The following RAI14 variants were observed in gnomAD, a reference collection of about 807,000 sequenced individuals.
RAI14 encodes the protein ankycorbin.
In RAI14, 45 loss-of-function variants were observed where a neutral mutation model predicts 115.4. The observed-to-expected ratio is 0.39, with a 90% CI of 0.31 to 0.50. The LOEUF (loss-of-function observed/expected upper bound fraction) is 0.50, where lower values mean the gene tolerates loss of function less well. Ranked by LOEUF, RAI14 falls within the 20% of genes least tolerant of loss-of-function variation. The pLI, the probability that RAI14 is intolerant of heterozygous loss-of-function variation, is 0.85. For missense variants in RAI14, 939 were observed against 1,131.2 expected, an observed-to-expected ratio of 0.83 and a Z score of 2.44; for synonymous variants, 371 against 415.4, an observed-to-expected ratio of 0.89 and a Z score of 1.30.
In RAI14 at chr5:34,688,222, C is replaced by T. The variant is rs1032858317; in HGVS notation, c.36+1267C>T. The T allele has an allele frequency of 6.4e-6, 10 of 1,551,312 alleles. No homozygotes were observed. In the African/African-American group the frequency reaches 1.1e-4, roughly 17 times the overall value. ...GTATGTTATGCAGCCTACATATCTC[C>T]CGTGGCTTTCAGCTAAGGAGAAAAA... is the stretch of plus-strand genomic sequence containing the variant. On this transcript the variant is annotated intron_variant, in intron 2 of 17. Coordinates refer to ENST00000265109, the MANE Select transcript of RAI14 (RefSeq NM_015577.3).
At chr5:34,698,121 TCCCCCTCCCCTC>T (rs1393344638) in intron 2 of RAI14, among the ~76,000 whole-genome samples, 3 of 26,962 alleles carry the variant, frequency 1.1e-4, no homozygotes, top group Non-Finnish European at 1.9e-4. Flanking sequence ...CCCCCTCCCC[TCCCCCTCCCCTC>T]CCCCCTCCCC....
intron 2 of RAI14, among the ~76,000 whole-genome samples, chr5:34,703,393 A>G (rs1352279496): frequency 6.6e-6 from 1 of 152,364 alleles, no homozygotes; most frequent in East Asian, 1.9e-4. Context: ...TATTTTGGGT[A>G]TGTATTCCAC....
At chr5:34,738,993 G>A (rs879131748) in intron 2 of RAI14, among the ~76,000 whole-genome samples, 3 of 152,114 alleles carry the variant, frequency 2.0e-5, no homozygotes, top group East Asian at 3.8e-4. Flanking sequence ...TACAGCCTGC[G>A]GTATATCTCA....
At chr5:34,802,400 G>A (rs1206159089) in intron 4 of RAI14, among the ~76,000 whole-genome samples, 1 of 152,184 alleles carries the variant, frequency 6.6e-6, no homozygotes, top group African/African-American at 2.4e-5. Context: ...AAGTATGGGA[G>A]TTATCTACAG....
intron 3 of RAI14, among the ~76,000 whole-genome samples, chr5:34,780,655 A>C (rs1353749374): frequency 3.3e-5 from 5 of 152,210 alleles, no homozygotes; most frequent in African/African-American, 1.2e-4. Context: ...GAGAAATGCA[A>C]ATCAAAACCA....
intron 2 of RAI14, among the ~76,000 whole-genome samples, chr5:34,696,427 C>T (rs1336557388): frequency 2.0e-5 from 3 of 152,106 alleles, no homozygotes; most frequent in African/African-American, 4.8e-5. Context: ...TGAGCCACCA[C>T]GCCCGGCCGC....
chr5:34,771,934 TC>T (rs1181883838), intron 3 of RAI14, among the ~76,000 whole-genome samples: 3 of 152,194 alleles, frequency 2.0e-5, no homozygotes, highest in Admixed American at 1.3e-4. Flanking sequence ...AGGGTCTTGC[TC>T]TGTTGCCCAC....
At chr5:34,819,626 C>T (rs1043863005) in intron 13 of RAI14, among the ~76,000 whole-genome samples, 5 of 152,272 alleles carry the variant, frequency 3.3e-5, no homozygotes, top group East Asian at 1.9e-4. Flanking sequence ...TAATATAGTA[C>T]CTTCAGAATC....
chr5:34,822,664 C>CTTTTT (rs143092935), intron 14 of RAI14, among the ~76,000 whole-genome samples: 2 of 47,534 alleles, frequency 4.2e-5, no homozygotes, highest in African/African-American at 1.3e-4. Context: ...CCTTTGGTAT[C>CTTTTT]TTTTTTTTTT....
intron 1 of RAI14, among the ~76,000 whole-genome samples, chr5:34,660,616 G>C (rs1162924744): frequency 6.6e-6 from 1 of 152,148 alleles, no homozygotes; most frequent in Non-Finnish European, 1.5e-5. Flanking sequence ...TTAAGGGGTA[G>C]GAGTAAGCAT....
chr5:34,751,922 G>T (rs1394179191), intron 2 of RAI14, among the ~76,000 whole-genome samples: 1 of 152,138 alleles, frequency 6.6e-6, no homozygotes, highest in Non-Finnish European at 1.5e-5. Flanking sequence ...CTTAACATAG[G>T]TTCCAGTTGT....
At chr5:34,683,718 A>T (rs1744559017) in intron 1 of RAI14, among the ~76,000 whole-genome samples, 1 of 149,760 alleles carries the variant, frequency 6.7e-6, no homozygotes, top group Non-Finnish European at 1.5e-5. Flanking sequence ...TTAAATTTGA[A>T]GGGCGATTCC....
At position 34,832,516 on chromosome 5, in the gene RAI14, T is replaced by TG. The variant is rs1758089367; in HGVS notation, c.*1753dup. ...GGATGCATATTTATTACGAGTACTCTGGTTAAATATTGAAAAGTTATATGC... is the reference window on the plus strand; with the variant it reads ...GGATGCATATTTATTACGAGTACTCTGGGTTAAATATTGAAAAGTTATATGC... On this transcript the variant is annotated 3_prime_UTR_variant, in exon 18 of 18. Transcript: ENST00000265109. The TG allele has an allele frequency of 6.6e-6, 1 of 152,630 alleles. No individual in the cohort carries two copies. Among genetic ancestry groups the TG allele is most frequent in the Admixed American group, 6.5e-5 (1 of 15,284 alleles). 9.5% of individuals were successfully genotyped at this position (152,630 alleles called of 1,614,324 possible). A position where few individuals can be genotyped will look rare whatever the true frequency, so the allele number is the denominator to read the frequency against.
intron 3 of RAI14, among the ~76,000 whole-genome samples, chr5:34,786,580 C>T (rs2150178108): frequency 6.6e-6 from 1 of 152,296 alleles, no homozygotes. Context: ...AACCAGAGCC[C>T]ACACTTGTCC....
chr5:34,687,257 A>G (rs958180594), intron 2 of RAI14, among the ~76,000 whole-genome samples: 1 of 152,200 alleles, frequency 6.6e-6, no homozygotes, highest in Non-Finnish European at 1.5e-5. Context: ...AAACCTCAAC[A>G]TTTCTAAAGT....
At position 34,827,451 on chromosome 5, in the gene RAI14, C is replaced by T. The variant is rs1290047279; in HGVS notation, c.2799+972C>T. On this transcript the variant is annotated intron_variant, in intron 16 of 17. Transcript: ENST00000265109. This position sits in a 1 kb window ranked among gnomAD's most constrained non-coding sequence, Gnocchi z 4.2. ...GGTTTGAGTTGGCATGGGTACATTC[C>T]GTTTTCTACCTAAAGTCCAGGGTTA... is the stretch of plus-strand genomic sequence containing the variant. Among the ~76,000 whole-genome samples, 2 of 152,270 alleles carry T rather than the reference C, an allele frequency of 1.3e-5. No homozygotes were observed. The highest frequency in any genetic ancestry group is 2.1e-4 in the South Asian group (1 of 4,820).
At chr5:34,663,778 A>C (rs1354424879) in intron 1 of RAI14, among the ~76,000 whole-genome samples, 3 of 152,232 alleles carry the variant, frequency 2.0e-5, no homozygotes, top group African/African-American at 7.2e-5. Flanking sequence ...ACAATAATCA[A>C]AAGGCAGAAA....
chr5:34,768,451 G>A (rs953169127), intron 3 of RAI14, among the ~76,000 whole-genome samples: 1 of 152,100 alleles, frequency 6.6e-6, no homozygotes, highest in African/African-American at 2.4e-5. Context: ...ATTTCCATCA[G>A]GTGTTTCCCA....
intron 3 of RAI14, among the ~76,000 whole-genome samples, chr5:34,768,569 G>A (rs545101171): frequency 5.0e-4 from 76 of 152,266 alleles, no homozygotes; most frequent in African/African-American, 1.7e-3. Flanking sequence ...GAGTCTGGGG[G>A]TGTGTCAGTG....
Sources: gnomAD v4.1 joint callset for allele counts (sites outside exome capture counted in the v4.1 genomes callset) on GRCh38, gnomAD v4.1.1 for gene constraint, Gnocchi (gnomAD v3.1) non-coding constraint, MANE v1.5 for transcripts, NCBI Gene and HGNC (gene_info 2026-07-23, HGNC 2026-07-21) for gene names.